FARP1: variants seen among roughly 807,000 people sequenced by gnomAD.
FARP1 encodes the protein FERM, ARHGEF and pleckstrin domain-containing protein 1.
Under a neutral mutation model 128.8 loss-of-function variants are expected in FARP1, and 52 were observed. The ratio of observed to expected loss-of-function variants is 0.40; its 90% CI spans 0.32 to 0.51. FARP1 has a LOEUF of 0.51. Ranked by LOEUF, FARP1 falls within the 20% of genes least tolerant of loss-of-function variation. The probability of loss-of-function intolerance (pLI) is 0.45; values close to 1 mark genes in which losing one functional copy is unlikely to be tolerated. For missense variants in FARP1, 1,333 were observed against 1,367.9 expected (o/e 0.97, Z 0.40); for synonymous variants, 580 against 551.8 (o/e 1.05, Z -0.72).
chr13:98,442,054 AGCTGGGGCGAGGCCATTCATCATTG>A (rs1892545444), intron 24 of FARP1, among the ~76,000 whole-genome samples: 2 of 152,176 alleles, frequency 1.3e-5, no homozygotes, highest in African/African-American at 4.8e-5. Flanking sequence ...AGCTGCCCTG[AGCTGGGGCGAGGCCATTCATCATTG>A]TGATTGTGTT....
intron 12 of FARP1, 136 bp from the exon 13 acceptor site, chr13:98,395,091 C>A (rs911715388): frequency 2.3e-4 from 240 of 1,021,358 alleles, no homozygotes; most frequent in Non-Finnish European, 2.8e-4. Flanking sequence ...GCTGCTAGGC[C>A]AGAGAGCTCC....
At chr13:98,383,848 CGT>C (rs1889983068) in intron 6 of FARP1, 3 of 152,084 alleles carry the variant, frequency 2.0e-5, no homozygotes, top group Admixed American at 1.3e-4. Flanking sequence ...CAGATAAAAA[CGT>C]GTAAGACTTT....
chr13:98,201,200 C>T (rs1176815242), intron 1 of FARP1, among the ~76,000 whole-genome samples: 1 of 152,188 alleles, frequency 6.6e-6, no homozygotes, highest in Non-Finnish European at 1.5e-5. Flanking sequence ...CCCAGCACTT[C>T]GGGAGGCCAA....
chr13:98,167,050 G>A (rs1237764854), intron 1 of FARP1, among the ~76,000 whole-genome samples: 1 of 151,930 alleles, frequency 6.6e-6, no homozygotes, highest in Non-Finnish European at 1.5e-5. Flanking sequence ...TTGTCATTTT[G>A]CACTTTTCTT....
intron 2 of FARP1, chr13:98,332,866 G>A (rs1887569732): frequency 6.6e-6 from 1 of 152,182 alleles, no homozygotes; most frequent in African/African-American, 2.4e-5. Context: ...AGGTGTCATT[G>A]GTGGCTTTGT....
intron 16 of FARP1, among the ~76,000 whole-genome samples, chr13:98,419,459 C>T (rs1014509794): frequency 2.6e-4 from 38 of 147,042 alleles, no homozygotes; most frequent in African/African-American, 8.3e-4. Flanking sequence ...GGGTGACAGA[C>T]GAGACTCTGT....
intron 2 of FARP1, among the ~76,000 whole-genome samples, chr13:98,300,612 C>T (rs966418150): frequency 2.0e-5 from 3 of 152,192 alleles, no homozygotes; most frequent in African/African-American, 7.2e-5. Context: ...TTCATCAGCT[C>T]TTCCATCTCT....
At chr13:98,324,024 A>G (rs1434711896) in intron 2 of FARP1, among the ~76,000 whole-genome samples, 1 of 152,246 alleles carries the variant, frequency 6.6e-6, no homozygotes, top group Non-Finnish European at 1.5e-5. Flanking sequence ...GGAGTTGCAC[A>G]TGAAGGATTT....
intron 2 of FARP1, among the ~76,000 whole-genome samples, chr13:98,241,388 C>T (rs1882762981): frequency 6.6e-6 from 1 of 152,172 alleles, no homozygotes; most frequent in Admixed American, 6.5e-5. Flanking sequence ...CGGCATGTTG[C>T]ACACGATGGG....
intron 2 of FARP1, among the ~76,000 whole-genome samples, chr13:98,309,327 C>T (rs632338): frequency 0.78 from 116,874 of 148,890 alleles, 46,452 homozygotes; most frequent in East Asian, 1. Context: ...CCATCACGCC[C>T]GGCTATTTTT....
chr13:98,181,661 A>AGAGAGAGAGAGAGT lies in FARP1; in HGVS notation c.-23-31558_-23-31557insAGAGAGAGAGAGTG, dbSNP rs138526104. On this transcript the variant is annotated intron_variant, in intron 1 of 26. Coordinates refer to ENST00000319562, the MANE Select transcript of FARP1 (RefSeq NM_005766.4). The stretch of plus-strand genomic sequence containing the variant: ...ATTTATTTGAGAGAGAGAGAGAGAG[A>AGAGAGAGAGAGAGT]GTCTCACTGTTGCCCAGGGGTGTGT... Among the ~76,000 whole-genome samples, 509 of 148,654 alleles carry AGAGAGAGAGAGAGT rather than the reference A, an allele frequency of 3.4e-3. 2 individuals are homozygous for AGAGAGAGAGAGAGT. Among genetic ancestry groups the AGAGAGAGAGAGAGT allele is most frequent in the Admixed American group, 0.013 (192 of 14,870 alleles).
At chr13:98,401,317 C>G (rs1384419459) in intron 13 of FARP1, 1 of 151,424 alleles carries the variant, frequency 6.6e-6, no homozygotes, top group Non-Finnish European at 1.5e-5. Context: ...ACACACCTCT[C>G]CCAGTTGTTG....
intron 6 of FARP1, among the ~76,000 whole-genome samples, chr13:98,381,168 C>G (rs1447126959): frequency 6.6e-6 from 1 of 152,166 alleles, no homozygotes; most frequent in Non-Finnish European, 1.5e-5. Flanking sequence ...TTAAAATCTT[C>G]CGATATGTGT....
chr13:98,144,202 C>CTGTGTGTGTG (rs368648027), intron 1 of FARP1, among the ~76,000 whole-genome samples: 2 of 146,328 alleles, frequency 1.4e-5, no homozygotes, highest in Non-Finnish European at 2.9e-5. Flanking sequence ...CCCGGAGACT[C>CTGTGTGTGTG]TGTGTGTGTG....
At chr13:98,190,593 C>T (rs1273500252) in intron 1 of FARP1, among the ~76,000 whole-genome samples, 2 of 152,010 alleles carry the variant, frequency 1.3e-5, no homozygotes, top group Non-Finnish European at 2.9e-5. Context: ...AACAGGGTCT[C>T]GCTCTGTTAC....
chr13:98,292,997 G>A (rs1344309134), intron 2 of FARP1, among the ~76,000 whole-genome samples: 2 of 151,878 alleles, frequency 1.3e-5, no homozygotes, highest in African/African-American at 4.8e-5. Context: ...TTCAACTCAT[G>A]GGGTAAATAA....
At position 98,343,885 on chromosome 13, in the gene FARP1, ATGT is replaced by A; in HGVS notation, c.276+21_276+23del. On this transcript the variant is annotated intron_variant, in intron 3 of 26. Coordinates refer to ENST00000319562, the MANE Select transcript of FARP1 (RefSeq NM_005766.4). Reference sequence around the variant, plus strand: ...GATCACGGTAGGTGATGTCAACTTAATGTTACTATTTTACTGTCTGTTCATCTT... The same window carrying A: ...GATCACGGTAGGTGATGTCAACTTAATACTATTTTACTGTCTGTTCATCTT... 1 of 1,503,008 alleles carries A rather than the reference ATGT, an allele frequency of 6.7e-7. No homozygotes were observed. The allele number at this position is 1,503,008 out of a possible 1,614,324, so 93.1% of individuals were successfully genotyped here.
chr13:98,165,214 CA>C (rs34285712), intron 1 of FARP1, among the ~76,000 whole-genome samples: 3,890 of 84,610 alleles, frequency 0.046, 140 homozygotes, highest in African/African-American at 0.15. Flanking sequence ...GACTCTGTCT[CA>C]AAAAAAAAAA....
chr13:98,391,854 G>C (rs1164551585), intron 11 of FARP1, among the ~76,000 whole-genome samples: 2 of 152,208 alleles, frequency 1.3e-5, no homozygotes, highest in Non-Finnish European at 1.5e-5. Flanking sequence ...CCCAAGGAGG[G>C]TAAAGGAGCG....
Sources: allele counts gnomAD v4.1 joint callset (sites outside exome capture counted in the v4.1 genomes callset), GRCh38; gene constraint gnomAD v4.1.1; transcripts MANE v1.5; gene names NCBI Gene and HGNC (gene_info 2026-07-23, HGNC 2026-07-21).